The following SYCP1 variants were observed in gnomAD, a reference collection of about 807,000 sequenced individuals.
The protein encoded by SYCP1 is synaptonemal complex protein 1.
In SYCP1, 64 loss-of-function variants were observed where a neutral mutation model predicts 153.1. The ratio of observed to expected loss-of-function variants is 0.42; its 90% CI spans 0.34 to 0.51. The LOEUF (loss-of-function observed/expected upper bound fraction) is 0.51. SYCP1 is among the 20% of genes least tolerant of loss of function. The probability of loss-of-function intolerance (pLI) is 0.06; values close to 1 mark genes in which losing one functional copy is unlikely to be tolerated. For synonymous variants in SYCP1, 384 were observed against 341.8 expected (o/e 1.12, Z -1.36); for missense variants, 997 against 1,049.0 (o/e 0.95, Z 0.68).
intron 27 of SYCP1, among the ~76,000 whole-genome samples, chr1:114,959,583 A>G (rs1671655442): frequency 6.6e-6 from 1 of 152,142 alleles, no homozygotes; most frequent in South Asian, 2.1e-4. Flanking sequence ...ATTACAAACA[A>G]TCCAATTATA....
intron 30 of SYCP1, among the ~76,000 whole-genome samples, chr1:114,989,180 A>G (rs893510603): frequency 6.6e-6 from 1 of 151,712 alleles, no homozygotes; most frequent in Non-Finnish European, 1.5e-5. Context: ...AAAACAAAAC[A>G]AAAAACCAAA....
At chr1:114,946,982 G>C (rs1423130145) in intron 26 of SYCP1, among the ~76,000 whole-genome samples, 1 of 152,176 alleles carries the variant, frequency 6.6e-6, no homozygotes, top group East Asian at 1.9e-4. Flanking sequence ...CTGACCTCGA[G>C]TGATATGCCT....
At chr1:114,897,897 T>G (rs1667172033) in intron 16 of SYCP1, among the ~76,000 whole-genome samples, 1 of 152,204 alleles carries the variant, frequency 6.6e-6, no homozygotes, top group Admixed American at 6.5e-5. Flanking sequence ...TTTTAGTGGC[T>G]TTCACTCATG....
chr1:114,980,851 G>T (rs917620571), intron 28 of SYCP1, among the ~76,000 whole-genome samples: 3 of 151,820 alleles, frequency 2.0e-5, no homozygotes, highest in Admixed American at 6.6e-5. Context: ...TGTCATGGGG[G>T]TTTGTTGTAC....
At chr1:114,883,300 A>T (rs1666077885) in intron 12 of SYCP1, among the ~76,000 whole-genome samples, 1 of 152,216 alleles carries the variant, frequency 6.6e-6, no homozygotes, top group South Asian at 2.1e-4. Context: ...CCTTTAGTTT[A>T]CAAAGTATGT....
At chr1:114,936,683 C>A (rs1285012810) in intron 23 of SYCP1, among the ~76,000 whole-genome samples, 1 of 152,192 alleles carries the variant, frequency 6.6e-6, no homozygotes, top group South Asian at 2.1e-4. Context: ...TCTCCTTAAG[C>A]TGATAAGCAA....
intron 27 of SYCP1, among the ~76,000 whole-genome samples, chr1:114,964,421 T>C (rs900536228): frequency 6.6e-6 from 1 of 152,212 alleles, no homozygotes; most frequent in African/African-American, 2.4e-5. Context: ...CAATTGTTTT[T>C]GGTGTTTTAG....
intron 8 of SYCP1, among the ~76,000 whole-genome samples, chr1:114,871,891 T>C (rs1268272023): frequency 6.6e-6 from 1 of 152,148 alleles, no homozygotes; most frequent in African/African-American, 2.4e-5. Context: ...TGGCCCATTA[T>C]TGGTATTACT....
intron 23 of SYCP1, among the ~76,000 whole-genome samples, chr1:114,936,351 AC>A (rs781492882): frequency 1.1e-4 from 16 of 152,012 alleles, no homozygotes; most frequent in Non-Finnish European, 1.8e-4. Flanking sequence ...AAAATTCAAC[AC>A]CCCTTCATGC....
chr1:114,963,796 C>G (rs1008857316), intron 27 of SYCP1, among the ~76,000 whole-genome samples: 5 of 152,166 alleles, frequency 3.3e-5, no homozygotes, highest in African/African-American at 1.2e-4. Flanking sequence ...GGGTTGGTTC[C>G]AAGTCTTTGC....
intron 27 of SYCP1, among the ~76,000 whole-genome samples, chr1:114,962,675 A>G (rs1016126947): frequency 3.3e-5 from 5 of 152,128 alleles, no homozygotes; most frequent in African/African-American, 7.2e-5. Context: ...CAACATTAGT[A>G]TTGAGATGTG....
At chr1:114,907,970 T>C (rs1223381071) in intron 16 of SYCP1, among the ~76,000 whole-genome samples, 1 of 152,144 alleles carries the variant, frequency 6.6e-6, no homozygotes, top group Non-Finnish European at 1.5e-5. Context: ...TTAAATAACT[T>C]GAAGAAAAAT....
intron 27 of SYCP1, among the ~76,000 whole-genome samples, chr1:114,966,429 G>A: frequency 6.6e-6 from 1 of 151,914 alleles, no homozygotes; most frequent in East Asian, 1.9e-4. Flanking sequence ...TCTTTTAATT[G>A]TGATGTTAGG....
intron 6 of SYCP1, among the ~76,000 whole-genome samples, chr1:114,859,362 C>T (rs1664225421): frequency 6.6e-6 from 1 of 152,168 alleles, no homozygotes; most frequent in Non-Finnish European, 1.5e-5. Flanking sequence ...GCTGGGATTA[C>T]AGGCGTGAGC....
chr1:114,876,808 C>T lies in SYCP1; in HGVS notation c.799C>T (p.Gln267Ter). 1 of 1,386,414 alleles carries T rather than the reference C, an allele frequency of 7.2e-7. No homozygotes were observed. Among genetic ancestry groups the T allele is most frequent in the East Asian group, 2.9e-5 (1 of 34,932 alleles). 85.9% of individuals were successfully genotyped at this position (1,386,414 alleles called of 1,614,324 possible). A position where few individuals can be genotyped will look rare whatever the true frequency, so the allele number is the denominator to read the frequency against. ...GAAGGAAATAAATGACAAGGAAAAG[C>T]AGGTTTTTTAAAAAACCAACTCTTT... ...YKKEINDKEK[Q>*]VSLLLIQITE... is the part of the protein sequence containing the mutation. Residue 267 changes from glutamine to a stop codon, truncating the protein, a stop_gained and splice_region_variant, in exon 11 of 32, where the codon CAG becomes TAG. Coordinates refer to ENST00000369522, the MANE Select transcript of SYCP1 (RefSeq NM_003176.4). LOFTEE classifies it high-confidence loss of function.
intron 27 of SYCP1, among the ~76,000 whole-genome samples, chr1:114,949,779 A>G (rs1033397464): frequency 1.3e-5 from 2 of 152,152 alleles, no homozygotes; most frequent in African/African-American, 4.8e-5. Flanking sequence ...ACCTATTACA[A>G]TTTAGCTATT....
chr1:114,956,415 A>G (rs1044348338), intron 27 of SYCP1, among the ~76,000 whole-genome samples: 2 of 152,154 alleles, frequency 1.3e-5, no homozygotes, highest in African/African-American at 4.8e-5. Flanking sequence ...GCTCCAGTCC[A>G]TCCTGCTACA....
chr1:114,974,395 G>A (rs1376595459), intron 27 of SYCP1, among the ~76,000 whole-genome samples: 1 of 151,838 alleles, frequency 6.6e-6, no homozygotes, highest in Non-Finnish European at 1.5e-5. Context: ...CTTTTTAAAT[G>A]TACAGTTCAG....
chr1:114,868,131 C>CTT (rs771791862), intron 8 of SYCP1, among the ~76,000 whole-genome samples: 1 of 141,740 alleles, frequency 7.1e-6, no homozygotes, highest in Admixed American at 7.1e-5. Flanking sequence ...TTTTTTTATA[C>CTT]TTTTTTTTTT....
Sources: gnomAD v4.1 joint callset for allele counts (sites outside exome capture counted in the v4.1 genomes callset) on GRCh38, gnomAD v4.1.1 for gene constraint, MANE v1.5 for transcripts, NCBI Gene and HGNC (gene_info 2026-07-23, HGNC 2026-07-21) for gene names.